Variants in TRPM3 observed in about 807,000 individuals in gnomAD.
TRPM3 encodes the protein transient receptor potential cation channel subfamily M member 3.
TRPM3 carries 77 observed loss-of-function variants against 181.2 expected under a neutral mutation model. That is an observed-to-expected ratio of 0.42 (90% confidence interval 0.35 to 0.51). The LOEUF (loss-of-function observed/expected upper bound fraction) is 0.51. Ranked by LOEUF, TRPM3 falls within the 20% of genes least tolerant of loss-of-function variation. The pLI, the probability that TRPM3 is intolerant of heterozygous loss-of-function variation, is 0.01. For missense variants in TRPM3, 1,759 were observed against 2,196.7 expected (o/e 0.80, Z 3.98); for synonymous variants, 745 against 796.4 (o/e 0.94, Z 1.09).
intron 17 of TRPM3, among the ~76,000 whole-genome samples, chr9:70,616,573 CA>C (rs398113513): frequency 0.01 from 1,219 of 121,388 alleles, 10 homozygotes; most frequent in South Asian, 0.017. Flanking sequence ...ATTATCTCTG[CA>C]AAAAAAAAAA....
Position 70,537,217 on chromosome 9 carries a change from G to A in TRPM3, c.3896C>T (p.Ser1299Leu), listed in dbSNP as rs1177647655. ...AATGTAGGCGGCGTCCGTGCAGTCT[G>A]ACGAGGTCCTCGAGCGGATTTTGTT... The part of the protein sequence containing the change: ...ESNKIRSRTS[S>L]DCTDAAYIVR... The change falls in exon 26 of 26, where the codon TCA (serine) becomes TTA (leucine). Residue 1299 changes from serine to leucine, a missense_variant. By Grantham distance (145) the Ser-to-Leu change is moderately radical. Coordinates refer to ENST00000677713, the MANE Select transcript of TRPM3 (RefSeq NM_001366145.2). 6.3e-7 allele frequency: 1 copy of A among 1,598,284 alleles called. No individual in the cohort carries two copies. The highest frequency in any genetic ancestry group is 8.6e-7 in the Non-Finnish European group (1 of 1,168,502).
At chr9:71,079,191 G>C (rs1020233590) in intron 1 of TRPM3, among the ~76,000 whole-genome samples, 1 of 152,164 alleles carries the variant, frequency 6.6e-6, no homozygotes, top group African/African-American at 2.4e-5. Context: ...ATATCTATCA[G>C]AGTTGGTGGC....
rs1001447469 is a variant in TRPM3 at position 70,576,140 on chromosome 9, G to C, written c.3223+14891C>G. Among the ~76,000 whole-genome samples the C allele has an allele frequency of 2.0e-5, 3 of 152,304 alleles. No individual in the cohort carries two copies. The East Asian group carries it at 5.8e-4, about 29-fold the overall frequency. On this transcript the variant is annotated intron_variant, in intron 22 of 25. Transcript: ENST00000677713. ...ATCTCCTCATGGGCGGTACAATGTA[G>C]TTTTCATGGATATCTAATTTATCCA... is the stretch of plus-strand genomic sequence containing the variant.
intron 1 of TRPM3, among the ~76,000 whole-genome samples, chr9:71,086,880 G>A (rs1202792537): frequency 3.3e-5 from 5 of 152,010 alleles, no homozygotes; most frequent in Admixed American, 1.3e-4. Flanking sequence ...CTGAGAATTA[G>A]TGCCTCTTGA....
chr9:70,634,562 A>C (rs774988720), intron 12 of TRPM3, among the ~76,000 whole-genome samples: 23 of 152,176 alleles, frequency 1.5e-4, no homozygotes, highest in South Asian at 4.1e-4. Context: ...AAATGAACTG[A>C]ACTTTAAACC....
chr9:71,232,851 T>C (rs1417286180), intron 1 of TRPM3, among the ~76,000 whole-genome samples: 1 of 152,176 alleles, frequency 6.6e-6, no homozygotes, highest in Non-Finnish European at 1.5e-5. Context: ...CACTTAAGTT[T>C]CTATCTCTTC....
In TRPM3 at chr9:71,427,913, TAAAAGTTGAAAA is replaced by T. The variant is rs111447516; in HGVS notation, c.183+18728_183+18739del. The stretch of plus-strand genomic sequence containing the variant: ...GCACACGTACCCCCTGGATCTGAAA[TAAAAGTTGAAAA>T]AATAAAATATAAAATAAAATAAAAT... On this transcript the variant is annotated intron_variant, in intron 1 of 24. Transcript: ENST00000357533. Among the ~76,000 whole-genome samples, 807 of 152,138 alleles carry T rather than the reference TAAAAGTTGAAAA, an allele frequency of 5.3e-3. 11 individuals are homozygous for T. Among genetic ancestry groups the T allele is most frequent in the African/African-American group, 0.019 (775 of 41,486 alleles).
intron 1 of TRPM3, among the ~76,000 whole-genome samples, chr9:70,935,357 T>C (rs1321239200): frequency 1.3e-5 from 2 of 152,174 alleles, no homozygotes; most frequent in Non-Finnish European, 2.9e-5. Flanking sequence ...GTACCCCTAC[T>C]ATGGTGTGAG....
chr9:70,666,592 T>A (rs2061879151), intron 9 of TRPM3, among the ~76,000 whole-genome samples: 1 of 152,212 alleles, frequency 6.6e-6, no homozygotes, highest in African/African-American at 2.4e-5. Flanking sequence ...GCTTTCTGCA[T>A]TGTTGTTTGG....
intron 1 of TRPM3, among the ~76,000 whole-genome samples, chr9:71,098,846 G>A (rs1472016640): frequency 1.3e-5 from 2 of 152,118 alleles, no homozygotes; most frequent in Non-Finnish European, 2.9e-5. Context: ...ACCTATGACA[G>A]CATTTTGCAA....
rs75063196 is a variant in TRPM3 at position 70,911,914 on chromosome 9, T to C, written c.178-47403A>G. The stretch of plus-strand genomic sequence containing the variant: ...TAATGCAAACTTTCCCCTATGTCAT[T>C]GTCCGTTCTCTCCTTCTGGCAATGG... On this transcript the variant is annotated intron_variant, in intron 1 of 25. Coordinates refer to ENST00000677713, the MANE Select transcript of TRPM3 (RefSeq NM_001366145.2). 7.9e-3 allele frequency among the ~76,000 whole-genome samples: 1,199 copies of C among 152,306 alleles called. 16 individuals are homozygous for C. Among genetic ancestry groups the C allele is most frequent in the African/African-American group, 0.026 (1,087 of 41,568 alleles).
intron 1 of TRPM3, among the ~76,000 whole-genome samples, chr9:71,073,859 C>A (rs947017401): frequency 2.6e-5 from 4 of 152,056 alleles, no homozygotes; most frequent in African/African-American, 9.7e-5. Context: ...TTATGATTAT[C>A]TTACTTTTAT....
chr9:71,162,190 A>G, intron 1 of TRPM3, among the ~76,000 whole-genome samples: 1 of 119,342 alleles, frequency 8.4e-6, no homozygotes, highest in Non-Finnish European at 1.7e-5. Context: ...ACAGAGCATG[A>G]CTCTGTCTCA....
chr9:70,581,735 C>T (rs941148546), intron 22 of TRPM3, among the ~76,000 whole-genome samples: 2 of 152,066 alleles, frequency 1.3e-5, no homozygotes, highest in Admixed American at 6.5e-5. Flanking sequence ...TTACAGGATG[C>T]ATGGCAACCA....
intron 1 of TRPM3, among the ~76,000 whole-genome samples, chr9:71,099,492 G>A (rs187709819): frequency 2.6e-5 from 4 of 152,112 alleles, no homozygotes; most frequent in South Asian, 2.1e-4. Context: ...CATAATCCTC[G>A]CCTCCTTTAA....
intron 1 of TRPM3, among the ~76,000 whole-genome samples, chr9:71,168,628 T>TA (rs2076676423): frequency 5.5e-5 from 8 of 146,282 alleles, no homozygotes; most frequent in South Asian, 2.1e-4. Flanking sequence ...TTATTATTTT[T>TA]TTATTATTTT....
At chr9:70,584,401 C>CT (rs2056675009) in intron 22 of TRPM3, among the ~76,000 whole-genome samples, 1 of 152,156 alleles carries the variant, frequency 6.6e-6, no homozygotes, top group South Asian at 2.1e-4. Context: ...AAAACCCTTT[C>CT]TTTTTTGAGT....
chr9:70,926,091 C>G (rs2096718856), intron 1 of TRPM3, among the ~76,000 whole-genome samples: 1 of 151,970 alleles, frequency 6.6e-6, no homozygotes, highest in African/African-American at 2.4e-5. Flanking sequence ...GAAAAGTCAT[C>G]CATGTTTCAA....
chr9:71,052,919 A>G lies in TRPM3; in HGVS notation c.177+68259T>C, dbSNP rs371585097. 8.5e-5 allele frequency among the ~76,000 whole-genome samples: 13 copies of G among 152,160 alleles called. No individual in the cohort carries two copies. In the East Asian group the frequency reaches 9.7e-4, roughly 11 times the overall value. ...TCTTTTTGACTGAAATGGCCACTGG[A>G]AGCTATATTTTTATGGCAAATAAAA... is the stretch of plus-strand genomic sequence containing the variant. On this transcript the variant is annotated intron_variant, in intron 1 of 25. Transcript: ENST00000677713.
Sources: allele counts gnomAD v4.1 joint callset (sites outside exome capture counted in the v4.1 genomes callset), GRCh38; gene constraint gnomAD v4.1.1; transcripts MANE v1.5; gene names NCBI Gene and HGNC (gene_info 2026-07-23, HGNC 2026-07-21).